The following CNBD1 variants were observed in gnomAD, a reference collection of about 807,000 sequenced individuals.
CNBD1 encodes cyclic nucleotide binding domain containing 1, also known as cyclic nucleotide-binding domain-containing protein 1.
CNBD1 carries 71 observed loss-of-function variants against 54.4 expected under a neutral mutation model. The observed-to-expected ratio is 1.30, with a 90% CI of 1.08 to 1.59. The LOEUF (loss-of-function observed/expected upper bound fraction) is 1.59. Ranked by LOEUF, CNBD1 falls within the 40% of genes most tolerant of loss-of-function variation. The pLI is 0.00. For synonymous variants in CNBD1, 182 were observed against 170.7 expected (o/e 1.07, Z -0.51); for missense variants, 659 against 518.0 (o/e 1.27, Z -2.64).
At chr8:87,109,544 T>C (rs2915516) in intron 4 of CNBD1, among the ~76,000 whole-genome samples, 2,328 of 139,190 alleles carry the variant, frequency 0.017, 30 homozygotes, top group African/African-American at 0.028. Context: ...TTCTTTCTTT[T>C]TTTTTTTTTT....
chr8:87,040,573 G>A (rs1213466568), intron 4 of CNBD1, among the ~76,000 whole-genome samples: 1 of 151,456 alleles, frequency 6.6e-6, no homozygotes, highest in Non-Finnish European at 1.5e-5. Context: ...ACAGGTGCCT[G>A]CCACCACGCC....
intron 4 of CNBD1, among the ~76,000 whole-genome samples, chr8:87,030,613 G>C (rs1809760343): frequency 6.6e-6 from 1 of 151,904 alleles, no homozygotes; most frequent in South Asian, 2.1e-4. Flanking sequence ...ATTAAAAATA[G>C]ACAGTGTATT....
intron 2 of CNBD1, among the ~76,000 whole-genome samples, chr8:87,402,094 G>A (rs1807575808): frequency 6.6e-6 from 1 of 152,026 alleles, no homozygotes; most frequent in African/African-American, 2.4e-5. Flanking sequence ...GGTGAAGGAG[G>A]AATGAAGGCA....
At chr8:87,332,697 G>A (rs967953529) in intron 8 of CNBD1, among the ~76,000 whole-genome samples, 9 of 152,056 alleles carry the variant, frequency 5.9e-5, no homozygotes, top group African/African-American at 1.9e-4. Context: ...TAGATATGTG[G>A]TCTTATTTCT....
intron 4 of CNBD1, among the ~76,000 whole-genome samples, chr8:87,039,700 C>T (rs1033414398): frequency 6.6e-6 from 1 of 152,132 alleles, no homozygotes; most frequent in Non-Finnish European, 1.5e-5. Flanking sequence ...TTTGTAATTA[C>T]TCAAATTAGT....
chr8:86,897,699 C>T (rs1808867866), intron 2 of CNBD1, among the ~76,000 whole-genome samples: 1 of 152,160 alleles, frequency 6.6e-6, no homozygotes, highest in South Asian at 2.1e-4. Flanking sequence ...AGTCTACTAC[C>T]TGCGCCTTCT....
intron 1 of CNBD1, among the ~76,000 whole-genome samples, chr8:86,879,392 C>T (rs146781150): frequency 7.2e-5 from 11 of 152,248 alleles, no homozygotes; most frequent in Non-Finnish European, 7.4e-5. Context: ...GCTGTAAGAG[C>T]ACAATGGAAA....
intron 4 of CNBD1, among the ~76,000 whole-genome samples, chr8:87,039,246 C>T (rs888758726): frequency 6.6e-6 from 1 of 152,118 alleles, no homozygotes; most frequent in Non-Finnish European, 1.5e-5. Flanking sequence ...AATATGCTAA[C>T]TTTAATATTC....
intron 1 of CNBD1, among the ~76,000 whole-genome samples, chr8:86,885,082 T>G (rs1808662358): frequency 6.6e-6 from 1 of 152,230 alleles, no homozygotes. Context: ...CTTAGCTTTT[T>G]GCAAAGGGTA....
chr8:87,379,080 T>A (rs565313940), intron 10 of CNBD1, among the ~76,000 whole-genome samples: 4 of 151,252 alleles, frequency 2.6e-5, no homozygotes, highest in Non-Finnish European at 5.9e-5. Context: ...TTTCTAGATA[T>A]ACAATCATGT....
chr8:87,137,654 G>A (rs1812285268), intron 4 of CNBD1, among the ~76,000 whole-genome samples: 1 of 152,136 alleles, frequency 6.6e-6, no homozygotes, highest in Non-Finnish European at 1.5e-5. Flanking sequence ...CTCGTTAAAT[G>A]TTAAAGGAGG....
chr8:87,201,926 T>C (rs1002855577), intron 4 of CNBD1, among the ~76,000 whole-genome samples: 2 of 152,116 alleles, frequency 1.3e-5, no homozygotes, highest in Admixed American at 1.3e-4. Flanking sequence ...CTAGTTTTTG[T>C]ATTTTTAATA....
chr8:87,327,746 C>T (rs1239665155), intron 8 of CNBD1, among the ~76,000 whole-genome samples: 1 of 152,152 alleles, frequency 6.6e-6, no homozygotes, highest in Non-Finnish European at 1.5e-5. Context: ...GATGGAAATG[C>T]AGAAATCACC....
intron 2 of CNBD1, among the ~76,000 whole-genome samples, chr8:86,904,796 TTTAA>T: frequency 1.3e-5 from 2 of 152,216 alleles, no homozygotes; most frequent in South Asian, 4.1e-4. Flanking sequence ...TATATAAAAC[TTTAA>T]TCAATTATAG....
intron 8 of CNBD1, among the ~76,000 whole-genome samples, chr8:87,346,894 C>T (rs1213241210): frequency 6.6e-6 from 1 of 152,142 alleles, no homozygotes; most frequent in Admixed American, 6.5e-5. Context: ...GTGGTATGGA[C>T]TCTAGCCCCA....
chr8:87,236,317 A>G (rs1807583986), intron 5 of CNBD1, among the ~76,000 whole-genome samples: 1 of 152,126 alleles, frequency 6.6e-6, no homozygotes. Flanking sequence ...ATGTACAGGC[A>G]CACAGTTTAA....
intron 3 of CNBD1, among the ~76,000 whole-genome samples, chr8:86,927,067 T>G (rs1025313157): frequency 6.6e-6 from 1 of 152,040 alleles, no homozygotes; most frequent in Non-Finnish European, 1.5e-5. Context: ...CACATAAGAA[T>G]ATGCCTTGGC....
intron 4 of CNBD1, among the ~76,000 whole-genome samples, chr8:87,030,101 A>G (rs1377369858): frequency 2.0e-5 from 3 of 152,256 alleles, no homozygotes; most frequent in African/African-American, 7.2e-5. Flanking sequence ...ATTAGTAAAG[A>G]TAAACATTTC....
chr8:87,133,363 C>T (rs1219871683), intron 4 of CNBD1, among the ~76,000 whole-genome samples: 3 of 152,148 alleles, frequency 2.0e-5, no homozygotes, highest in Non-Finnish European at 2.9e-5. Flanking sequence ...GCCTGTGTTT[C>T]TAAAATATTA....
Sources: gnomAD v4.1 joint callset for allele counts (sites outside exome capture counted in the v4.1 genomes callset) on GRCh38, gnomAD v4.1.1 for gene constraint, MANE v1.5 for transcripts, NCBI Gene and HGNC (gene_info 2026-07-23, HGNC 2026-07-21) for gene names.